The following DIAPH3 variants were observed in gnomAD, a reference collection of about 807,000 sequenced individuals.
DIAPH3 encodes the protein protein diaphanous homolog 3.
DIAPH3 carries 117 observed loss-of-function variants against 144.3 expected under a neutral mutation model. The observed-to-expected ratio is 0.81, with a 90% CI of 0.70 to 0.95. The LOEUF (loss-of-function observed/expected upper bound fraction) is 0.95. Among genes scored for constraint, DIAPH3 ranks in the 40% least tolerant of loss-of-function variants. The pLI, the probability that DIAPH3 is intolerant of heterozygous loss-of-function variation, is 0.00. For missense variants in DIAPH3, 1,421 were observed against 1,412.7 expected, an observed-to-expected ratio of 1.01 and a Z score of -0.09; for synonymous variants, 519 against 488.9, an observed-to-expected ratio of 1.06 and a Z score of -0.81.
At chr13:59,990,134 A>C (rs1184716514) in intron 12 of DIAPH3, among the ~76,000 whole-genome samples, 1 of 151,918 alleles carries the variant, frequency 6.6e-6, no homozygotes, top group East Asian at 1.9e-4. Flanking sequence ...GAAAGGAGCA[A>C]ATTAAAAAAA....
intron 25 of DIAPH3, among the ~76,000 whole-genome samples, chr13:59,791,100 T>C (rs2039303316): frequency 6.6e-6 from 1 of 152,144 alleles, no homozygotes; most frequent in African/African-American, 2.4e-5. Context: ...TAAAGCCTCC[T>C]GAGTACCTGA....
rs529958269 is a variant in DIAPH3, at chr13:59,780,748, A to T, written c.3164-5925T>A. Among the ~76,000 whole-genome samples, 3 of 152,326 alleles carry T rather than the reference A, an allele frequency of 2.0e-5. No individual in the cohort carries two copies. In the East Asian group the frequency reaches 5.8e-4, roughly 29 times the overall value. On this transcript the variant is annotated intron_variant, in intron 25 of 27. Transcript: ENST00000400324. ...GATCTCTGCGGCCCATTGCTGGAGA[A>T]AAGAAAATATGAAATTTAAATATTA...
intron 20 of DIAPH3, among the ~76,000 whole-genome samples, chr13:59,908,005 CA>C: frequency 6.6e-6 from 1 of 152,158 alleles, no homozygotes; most frequent in East Asian, 1.9e-4. Flanking sequence ...ATAATTCCCA[CA>C]GTAAATTTGT....
intron 24 of DIAPH3, among the ~76,000 whole-genome samples, chr13:59,823,707 G>A (rs1459715261): frequency 6.6e-6 from 1 of 152,132 alleles, no homozygotes; most frequent in Non-Finnish European, 1.5e-5. Flanking sequence ...TGATGATCTA[G>A]TTGGTCCACA....
intron 27 of DIAPH3, among the ~76,000 whole-genome samples, chr13:59,764,751 G>C (rs1385851616): frequency 6.6e-6 from 1 of 151,830 alleles, no homozygotes; most frequent in Admixed American, 6.6e-5. Context: ...GCAATGACTA[G>C]AGCTAGGAGA....
intron 12 of DIAPH3, among the ~76,000 whole-genome samples, chr13:59,987,561 T>C (rs1224622060): frequency 6.6e-6 from 1 of 150,852 alleles, no homozygotes; most frequent in Non-Finnish European, 1.5e-5. Flanking sequence ...TAGGTATTTA[T>C]TGCTTTCTTT....
chr13:59,766,583 C>T (rs773601024), intron 27 of DIAPH3, among the ~76,000 whole-genome samples: 1 of 152,168 alleles, frequency 6.6e-6, no homozygotes, highest in Non-Finnish European at 1.5e-5. Flanking sequence ...GCTTTCATAT[C>T]CCATTCCCCG....
chr13:60,041,102 G>T (rs1377612147), intron 5 of DIAPH3, among the ~76,000 whole-genome samples: 3 of 149,096 alleles, frequency 2.0e-5, no homozygotes, highest in African/African-American at 7.5e-5. Flanking sequence ...GCTTGAGCCT[G>T]TAATATATAT....
chr13:60,103,731 A>G (rs751772604), intron 3 of DIAPH3, among the ~76,000 whole-genome samples: 3 of 152,238 alleles, frequency 2.0e-5, no homozygotes, highest in Non-Finnish European at 4.4e-5. Flanking sequence ...TGCCAGCATT[A>G]TATTATTAAA....
At chr13:60,138,759 GAGA>G (rs1374010548) in intron 1 of DIAPH3, among the ~76,000 whole-genome samples, 4 of 106,614 alleles carry the variant, frequency 3.8e-5, no homozygotes, top group African/African-American at 2.0e-4. Context: ...AGGAAGGAAG[GAGA>G]AGGAGAAGGA....
intron 24 of DIAPH3, among the ~76,000 whole-genome samples, chr13:59,819,993 C>A: frequency 6.7e-6 from 1 of 149,242 alleles, no homozygotes. Context: ...TATATCATTG[C>A]CTCACACATA....
At position 59,927,904 on chromosome 13, in the gene DIAPH3, G is replaced by A. The variant is rs192591938; in HGVS notation, c.2075-3034C>T. On this transcript the variant is annotated intron_variant, in intron 17 of 27. Transcript: ENST00000400324. ...ATCTATTTGGGAATCTTTGAGCTTC[G>A]TGTATCTGGATGTCTATTTCTTTCC... 5.8e-3 allele frequency among the ~76,000 whole-genome samples: 881 copies of A among 152,172 alleles called. 5 individuals are homozygous for A. The highest frequency in any genetic ancestry group is 6.9e-3 in the Non-Finnish European group (468 of 67,978).
intron 3 of DIAPH3, among the ~76,000 whole-genome samples, chr13:60,096,983 C>G (rs909571509): frequency 6.6e-6 from 1 of 152,168 alleles, no homozygotes; most frequent in Non-Finnish European, 1.5e-5. Flanking sequence ...AATAAATCCC[C>G]TCTCATATAG....
rs188115325 is a variant in DIAPH3 at position 59,682,943 on chromosome 13, C to T, written c.3320-16097G>A. On this transcript the variant is annotated intron_variant, in intron 27 of 27. Transcript: ENST00000400324. Reference sequence around the variant, plus strand: ...TACTTCCCATTCTTTGTGTTAAAAGCGGTACTTTAATGCAGATGTGTCATA... The same window carrying T: ...TACTTCCCATTCTTTGTGTTAAAAGTGGTACTTTAATGCAGATGTGTCATA... 4.6e-5 allele frequency among the ~76,000 whole-genome samples: 7 copies of T among 152,230 alleles called. No individual in the cohort carries two copies. The East Asian group carries it at 1.2e-3, about 25-fold the overall frequency.
intron 27 of DIAPH3, among the ~76,000 whole-genome samples, chr13:59,755,551 A>G (rs189300931): frequency 1.3e-5 from 2 of 152,326 alleles, no homozygotes; most frequent in Admixed American, 1.3e-4. Context: ...TGATTAAAAA[A>G]AGAGAATGAG....
At chr13:60,009,372 A>T (rs1261635868) in intron 8 of DIAPH3, among the ~76,000 whole-genome samples, 2 of 152,242 alleles carry the variant, frequency 1.3e-5, no homozygotes, top group East Asian at 3.9e-4. Flanking sequence ...GAAGGATAAC[A>T]GAATAGGGAA....
At chr13:59,743,683 C>G (rs1355875288) in intron 27 of DIAPH3, among the ~76,000 whole-genome samples, 2 of 152,132 alleles carry the variant, frequency 1.3e-5, no homozygotes, top group Admixed American at 1.3e-4. Context: ...CCTTTTGATT[C>G]TATGACAACT....
chr13:60,102,496 G>C (rs949924295), intron 3 of DIAPH3, among the ~76,000 whole-genome samples: 1 of 152,088 alleles, frequency 6.6e-6, no homozygotes, highest in African/African-American at 2.4e-5. Context: ...TCCTATTTTA[G>C]GACAAACATG....
chr13:60,104,566 GCACACACA>G (rs10633554), intron 3 of DIAPH3, among the ~76,000 whole-genome samples: 6,759 of 147,106 alleles, frequency 0.046, 221 homozygotes, highest in Admixed American at 0.095. Context: ...CAGTATCAAG[GCACACACA>G]CACACACACA....
Sources: allele counts gnomAD v4.1 joint callset (sites outside exome capture counted in the v4.1 genomes callset), GRCh38; gene constraint gnomAD v4.1.1; transcripts MANE v1.5; gene names NCBI Gene and HGNC (gene_info 2026-07-23, HGNC 2026-07-21).